Variants in SFR1 observed in about 807,000 individuals in gnomAD.
The protein encoded by SFR1 is swi5-dependent recombination DNA repair protein 1 homolog.
In SFR1, 24 loss-of-function variants were observed where a neutral mutation model predicts 26.2. That is an observed-to-expected ratio of 0.92 (90% CI 0.66 to 1.29). SFR1 has a LOEUF of 1.29. Among genes scored for constraint, SFR1 ranks in the 50% most tolerant of loss-of-function variants. The pLI is 0.00. For missense variants in SFR1, 276 were observed against 270.2 expected (o/e 1.02, Z -0.15); for synonymous variants, 77 against 96.6 (o/e 0.80, Z 1.19).
chr10:104,125,028 C>T (rs1564697474), intron 3 of SFR1, among the ~76,000 whole-genome samples: 2 of 152,116 alleles, frequency 1.3e-5, no homozygotes, highest in Non-Finnish European at 2.9e-5. Flanking sequence ...GTCTTGAACT[C>T]CTGGGCTCAA....
intron 1 of SFR1, 136 bp downstream of exon 1, chr10:104,122,332 T>G: frequency 7.2e-7 from 1 of 1,395,642 alleles, no homozygotes. Flanking sequence ...GGGGAACTAG[T>G]GGGCTTTCTG....
At chr10:104,125,091 C>T (rs1215684036) in intron 3 of SFR1, among the ~76,000 whole-genome samples, 1 of 152,146 alleles carries the variant, frequency 6.6e-6, no homozygotes, top group Non-Finnish European at 1.5e-5. Flanking sequence ...GTGTGAGCCA[C>T]CATCCCCAGC....
At chr10:104,122,888 T>C (rs746457559) in intron 1 of SFR1, 77 bp from the exon 2 acceptor site, 1 of 1,581,772 alleles carries the variant, frequency 6.3e-7, no homozygotes, top group Non-Finnish European at 8.6e-7. Context: ...TGTACACCAA[T>C]ACAATATATT....
intron 1 of SFR1, 155 bp from the exon 2 acceptor site, chr10:104,122,810 T>C (rs1490570120): frequency 6.5e-7 from 1 of 1,528,220 alleles, no homozygotes; most frequent in African/African-American, 1.4e-5. Context: ...AATGGAAAAC[T>C]GCAAAAAGAG....
intron 1 of SFR1, chr10:104,122,491 C>G (rs550544442): frequency 1.0e-6 from 1 of 985,412 alleles, no homozygotes; most frequent in South Asian, 4.7e-5. Context: ...TTAAATGCGT[C>G]TCCGCTGTGT....
chr10:104,123,740 A>G lies in SFR1; in HGVS notation c.162A>G (p.Arg54=). 6.2e-7 allele frequency: 1 copy of G among 1,603,036 alleles called. No individual in the cohort carries two copies. Among genetic ancestry groups the G allele is most frequent in the Non-Finnish European group, 8.5e-7 (1 of 1,176,386 alleles). ...CTATGAGTGCAACACTTAGAGAAAG[A>G]TTAAGGAAAACAAGATTTTCATTTA... The part of the protein sequence containing the change: ...KQPMSATLRE[R]LRKTRFSFNS... The change falls in exon 3 of 4, where the codon AGA becomes AGG. Residue 54 remains arginine (R), a synonymous_variant. Coordinates refer to ENST00000369727, the MANE Select transcript of SFR1 (RefSeq NM_001002759.2).
chr10:104,124,145 A>T, intron 3 of SFR1, 21 bp downstream of exon 3: 1 of 1,467,544 alleles, frequency 6.8e-7, no homozygotes, highest in Non-Finnish European at 9.0e-7. Flanking sequence ...TTTCAGGACC[A>T]TTGCATAATT....
At chr10:104,122,536 T>C (rs888523967) in intron 1 of SFR1, 2 of 985,452 alleles carry the variant, frequency 2.0e-6, no homozygotes, top group Non-Finnish European at 1.2e-6. Flanking sequence ...TAACGGGTTC[T>C]AGTCACAGCT....
chr10:104,123,226 T>A, intron 2 of SFR1, 140 bp downstream of exon 2: 1 of 738,160 alleles, frequency 1.4e-6, no homozygotes, highest in Non-Finnish European at 2.1e-6. Context: ...AATAATTTTG[T>A]TTTTCTTCTA....
At chr10:104,125,394 T>G in intron 3 of SFR1, 119 bp from the exon 4 acceptor site, 1 of 702,312 alleles carries the variant, frequency 1.4e-6, no homozygotes, top group Admixed American at 2.9e-5. Flanking sequence ...TAGATAGAAG[T>G]CCCATTCATC....
At chr10:104,121,952 C>G, upstream of SFR1, 1 of 458,902 alleles carries the variant, frequency 2.2e-6, no homozygotes, top group Non-Finnish European at 3.9e-6. Context: ...CCGGTTAATT[C>G]TGCCAATCAT....
rs969823011 is a variant in SFR1 at position 104,126,012 on chromosome 10, G to A, written c.*308G>A. The A allele has an allele frequency of 2.2e-5, 4 of 178,620 alleles. No homozygotes were observed. Among genetic ancestry groups the A allele is most frequent in the Admixed American group, 5.9e-5 (1 of 16,852 alleles). The allele number at this position is 178,620 out of a possible 1,614,324, so 11.1% of individuals were successfully genotyped here. A position where few individuals can be genotyped will look rare whatever the true frequency, so the allele number is the denominator to read the frequency against. ...AACTCCTGACCTCAGGTGATCCACC[G>A]CCTAGGCCTCCCAAAACCATTAGGG... On this transcript the variant is annotated 3_prime_UTR_variant, in exon 4 of 4. Coordinates refer to ENST00000369727, the MANE Select transcript of SFR1 (RefSeq NM_001002759.2).
upstream of SFR1, among the ~76,000 whole-genome samples, chr10:104,120,867 GTAAC>G (rs1296176551): frequency 6.6e-6 from 1 of 152,124 alleles, no homozygotes. Flanking sequence ...TAAGACTCAG[GTAAC>G]TCCCTTTTGG....
At chr10:104,120,686 C>T (rs1178881292), upstream of SFR1, among the ~76,000 whole-genome samples, 1 of 152,272 alleles carries the variant, frequency 6.6e-6, no homozygotes, top group East Asian at 1.9e-4. Context: ...TCATTTAATT[C>T]TCCAATCCCA....
chr10:104,122,580 A>G (rs997381041), intron 1 of SFR1: 3 of 985,202 alleles, frequency 3.0e-6, no homozygotes, highest in South Asian at 4.7e-5. Context: ...TTCAGGTCCT[A>G]TTGTTTTTGA....
intron 3 of SFR1, among the ~76,000 whole-genome samples, chr10:104,125,098 C>T (rs1351278798): frequency 6.6e-6 from 1 of 152,140 alleles, no homozygotes; most frequent in African/African-American, 2.4e-5. Flanking sequence ...CCACCATCCC[C>T]AGCCTAAAAA....
rs777131874 is a variant in SFR1 at position 104,122,212 on chromosome 10, G to T, written c.13+16G>T. 2.6e-6 allele frequency: 4 copies of T among 1,539,318 alleles called. No individual in the cohort carries two copies. Among genetic ancestry groups the T allele is most frequent in the South Asian group, 1.2e-5 (1 of 83,628 alleles). ...GCGGAGGGAGGTACCCTGCTGAGGG[G>T]AAGGGGGGATCCCTGACACCTGGGC... On this transcript the variant is annotated intron_variant, in intron 1 of 3. Coordinates refer to ENST00000369727, the MANE Select transcript of SFR1 (RefSeq NM_001002759.2).
chr10:104,123,738 A>G lies in SFR1; in HGVS notation c.160A>G (p.Arg54Gly). 6.2e-7 allele frequency: 1 copy of G among 1,600,030 alleles called. No homozygotes were observed. Among genetic ancestry groups the G allele is most frequent in the Middle Eastern group, 1.7e-4 (1 of 5,928 alleles). Residue 54 changes from arginine to glycine, a missense_variant, in exon 3 of 4, where the codon AGA (arginine) becomes GGA (glycine). By Grantham distance (125) the Arg-to-Gly change is moderately radical (BLOSUM62 -2). Transcript: ENST00000369727. ...GCCTATGAGTGCAACACTTAGAGAA[A>G]GATTAAGGAAAACAAGATTTTCATT... ...KQPMSATLRE[R>G]LRKTRFSFNS...
Position 104,125,642 on chromosome 10 carries a change from T to C in SFR1, c.676T>C (p.Tyr226His). The change falls in exon 4 of 4, where the codon TAT (tyrosine) becomes CAT (histidine). Residue 226 changes from tyrosine to histidine, a missense_variant. Coordinates refer to ENST00000369727, the MANE Select transcript of SFR1 (RefSeq NM_001002759.2). ...KLSLTQLIDH[Y>H]GLDDKLLHYN... ...AAGCCTTACTCAATTGATAGACCAC[T>C]ATGGGTTAGATGATAAATTACTACA... The C allele has an allele frequency of 6.2e-7, 1 of 1,612,564 alleles. No homozygotes were observed. Among genetic ancestry groups the C allele is most frequent in the Non-Finnish European group, 8.5e-7 (1 of 1,178,650 alleles).
Sources: gnomAD v4.1 joint callset for allele counts (sites outside exome capture counted in the v4.1 genomes callset) on GRCh38, gnomAD v4.1.1 for gene constraint, MANE v1.5 for transcripts, NCBI Gene and HGNC (gene_info 2026-07-23, HGNC 2026-07-21) for gene names.